ADARB1: variants seen among roughly 807,000 people sequenced by gnomAD.
ADARB1 encodes double-stranded RNA-specific editase 1.
ADARB1 carries 10 observed loss-of-function variants against 52.4 expected under a neutral mutation model. That is an observed-to-expected ratio of 0.19 (90% CI 0.12 to 0.32). The LOEUF is 0.32. Among genes scored for constraint, ADARB1 ranks in the 10% least tolerant of loss-of-function variants. The probability of loss-of-function intolerance (pLI) is 1.00; values close to 1 mark genes in which losing one functional copy is unlikely to be tolerated. For missense variants in ADARB1, 643 were observed against 922.3 expected (o/e 0.70, Z 3.92); for synonymous variants, 349 against 371.1 (o/e 0.94, Z 0.68).
At chr21:45,213,933 T>A (rs1189035613) in intron 9 of ADARB1, among the ~76,000 whole-genome samples, 1 of 152,214 alleles carries the variant, frequency 6.6e-6, no homozygotes, top group African/African-American at 2.4e-5. Context: ...AATCCTAAGA[T>A]AGGTGTATGT....
At chr21:45,081,983 C>T (rs918458146) in intron 1 of ADARB1, among the ~76,000 whole-genome samples, 45 of 152,218 alleles carry the variant, frequency 3.0e-4, no homozygotes, top group Middle Eastern at 6.8e-3. Context: ...CATGATTTAG[C>T]GGGGCAGAGG....
chr21:45,207,201 A>G (rs1163674112), intron 9 of ADARB1, among the ~76,000 whole-genome samples: 2 of 152,352 alleles, frequency 1.3e-5, no homozygotes, highest in African/African-American at 4.8e-5. Flanking sequence ...TCACTCTAGC[A>G]CCAAAGTCTA....
rs1270781918 is a variant in ADARB1, at chr21:45,175,965, G to T, written c.264G>T (p.Glu88Asp). The T allele has an allele frequency of 6.2e-7, 1 of 1,612,496 alleles. No individual in the cohort carries two copies. Among genetic ancestry groups the T allele is most frequent in the Admixed American group, 1.7e-5 (1 of 59,706 alleles). Residue 88 changes from glutamate to aspartate, a missense_variant, in exon 4 of 11, where the codon GAG becomes GAT. Physicochemically the swap from Glu to Asp is conservative, Grantham distance 45. Around this residue, in one of 2 missense-constraint regions of ADARB1, gnomAD observed 380 missense variants for 446.5 expected, o/e 0.85. Coordinates refer to ENST00000348831, the MANE Select transcript of ADARB1 (RefSeq NM_001112.4). ...AGAACGCCCTGATGCAGCTGAATGA[G>T]ATCAAGCCTGGTTTGCAGTACACAC... ...LPKNALMQLN[E>D]IKPGLQYTLL...
chr21:45,155,269 C>G (rs2090496062), intron 2 of ADARB1, among the ~76,000 whole-genome samples: 1 of 152,092 alleles, frequency 6.6e-6, no homozygotes, highest in Admixed American at 6.5e-5. Flanking sequence ...GCCTGCTCCC[C>G]CTGAGTACTT....
At chr21:45,081,235 GC>G (rs1313261565) in intron 1 of ADARB1, among the ~76,000 whole-genome samples, 1 of 152,138 alleles carries the variant, frequency 6.6e-6, no homozygotes, top group African/African-American at 2.4e-5. Flanking sequence ...GGAGGTCTGT[GC>G]TTCTTTGAAC....
chr21:45,217,840 G>A (rs944791335), intron 9 of ADARB1, among the ~76,000 whole-genome samples: 3 of 152,140 alleles, frequency 2.0e-5, no homozygotes, highest in Non-Finnish European at 4.4e-5. Context: ...TATTTCTGCT[G>A]GAATGGCAGG....
At chr21:45,195,683 C>G (rs185014076) in intron 8 of ADARB1, among the ~76,000 whole-genome samples, 221 of 150,976 alleles carry the variant, frequency 1.5e-3, no homozygotes, top group Non-Finnish European at 2.7e-3. Flanking sequence ...TTGTCCATTT[C>G]ATTGTCTTTG....
At chr21:45,097,559 G>C (rs960708097) in intron 1 of ADARB1, among the ~76,000 whole-genome samples, 2 of 152,060 alleles carry the variant, frequency 1.3e-5, no homozygotes, top group Non-Finnish European at 2.9e-5. Flanking sequence ...AGGGGCCGCT[G>C]TCCAGGCAGG....
intron 2 of ADARB1, among the ~76,000 whole-genome samples, chr21:45,164,903 G>C (rs1247072868): frequency 6.6e-6 from 1 of 152,128 alleles, no homozygotes; most frequent in Non-Finnish European, 1.5e-5. Flanking sequence ...AGAGGGGAGA[G>C]AGAACCAGGT....
intron 1 of ADARB1, among the ~76,000 whole-genome samples, chr21:45,099,388 C>T (rs147854087): frequency 2.0e-4 from 30 of 152,168 alleles, no homozygotes; most frequent in African/African-American, 6.3e-4. Flanking sequence ...AGGCTGGGCG[C>T]GGTGGGTGGC....
chr21:45,089,867 A>G (rs2086493660), intron 1 of ADARB1, among the ~76,000 whole-genome samples: 1 of 152,122 alleles, frequency 6.6e-6, no homozygotes. Context: ...TAGATGGAGG[A>G]TCCTTTTGGG....
At chr21:45,112,577 A>C (rs1007700170) in intron 1 of ADARB1, among the ~76,000 whole-genome samples, 5 of 151,738 alleles carry the variant, frequency 3.3e-5, no homozygotes, top group African/African-American at 1.2e-4. Context: ...GTTGGGTGGA[A>C]ATAAAGCAGG....
chr21:45,145,776 G>A (rs938682043), intron 2 of ADARB1: 1 of 152,222 alleles, frequency 6.6e-6, no homozygotes, highest in African/African-American at 2.4e-5. Context: ...CAAGCTTACC[G>A]TGGTATCTTT....
intron 9 of ADARB1, among the ~76,000 whole-genome samples, chr21:45,207,111 A>C (rs1396437763): frequency 6.6e-6 from 1 of 152,204 alleles, no homozygotes; most frequent in East Asian, 1.9e-4. Flanking sequence ...CAAATGTGCC[A>C]CTGTCCTATG....
rs755362201 is a variant in ADARB1, at chr21:45,161,552, G to A, written c.-47-10058G>A. On this transcript the variant is annotated intron_variant, in intron 2 of 10. Transcript: ENST00000348831. ...TGACAAGCATGAGAGGGAGGCCAAC[G>A]CGGGGCTGAGGGAAGCACAGCGCAG... Among the ~76,000 whole-genome samples the A allele has an allele frequency of 7.7e-4, 117 of 152,362 alleles. No homozygotes were observed. In the Middle Eastern group the frequency reaches 0.014, roughly 18 times the overall value.
At chr21:45,103,647 C>G (rs991341712) in intron 1 of ADARB1, among the ~76,000 whole-genome samples, 1 of 152,010 alleles carries the variant, frequency 6.6e-6, no homozygotes, top group Non-Finnish European at 1.5e-5. Context: ...AGCCCAGTTC[C>G]TAACAGGTCA....
In ADARB1 at chr21:45,204,257, T is replaced by C. The variant is rs978114555; in HGVS notation, c.1566-298T>C. 2.6e-5 allele frequency among the ~76,000 whole-genome samples: 4 copies of C among 152,262 alleles called. No individual in the cohort carries two copies. Among genetic ancestry groups the C allele is most frequent in the Non-Finnish European group, 5.9e-5 (4 of 68,040 alleles). ...TAAGGGGACCTGCTATAATTAAATA[T>C]GTAATTTCCTTTCTGATATTTCCCA... On this transcript the variant is annotated intron_variant, in intron 8 of 10. Transcript: ENST00000348831. This position sits in a 1 kb window ranked among gnomAD's most constrained non-coding sequence, Gnocchi z 4.4.
intron 2 of ADARB1, among the ~76,000 whole-genome samples, chr21:45,149,755 T>C (rs563590024): frequency 6.6e-6 from 1 of 152,392 alleles, no homozygotes; most frequent in Admixed American, 6.5e-5. Context: ...TGACTAATCA[T>C]GTTTTATATT....
intron 6 of ADARB1, among the ~76,000 whole-genome samples, 200 bp downstream of exon 6, chr21:45,182,953 ACATGGT>A (rs1267822140): frequency 6.6e-6 from 1 of 152,212 alleles, no homozygotes; most frequent in Non-Finnish European, 1.5e-5. Context: ...CAATAACATA[ACATGGT>A]CATAAATTTC....
Sources: allele counts gnomAD v4.1 joint callset (sites outside exome capture counted in the v4.1 genomes callset), GRCh38; gene constraint gnomAD v4.1.1; regional missense constraint gnomAD v4.1.1; non-coding constraint Gnocchi (gnomAD v3.1); transcripts MANE v1.5; gene names NCBI Gene and HGNC (gene_info 2026-07-23, HGNC 2026-07-21).